Variants in TSHZ1 observed in about 807,000 individuals in gnomAD.
TSHZ1 encodes the protein teashirt zinc finger homeobox 1.
In TSHZ1, 12 loss-of-function variants were observed where a neutral mutation model predicts 67.1. The observed-to-expected ratio is 0.18, with a 90% CI of 0.11 to 0.29. The LOEUF (loss-of-function observed/expected upper bound fraction) is 0.29. TSHZ1 is among the 10% of genes least tolerant of loss of function. The pLI is 1.00. For synonymous variants in TSHZ1, 632 were observed against 622.4 expected, an observed-to-expected ratio of 1.02 and a Z score of -0.23; for missense variants, 1,305 against 1,413.9, an observed-to-expected ratio of 0.92 and a Z score of 1.23.
chr18:75,266,018 A>T (rs766487), intron 1 of TSHZ1, among the ~76,000 whole-genome samples: 1 of 152,200 alleles, frequency 6.6e-6, no homozygotes, highest in African/African-American at 2.4e-5. Flanking sequence ...TCAACATTGT[A>T]TTACTGCACA....
chr18:75,287,615 C>T lies in TSHZ1; in HGVS notation c.2208C>T (p.His736=), dbSNP rs753718485. The T allele has an allele frequency of 3.1e-6, 5 of 1,614,084 alleles. No homozygotes were observed. The African/African-American group carries it at 4.0e-5, about 13-fold the overall frequency. ...GCNNLGIIMD[H]SPEPSFINPL... ...ACAACCTGGGGATCATCATGGACCA[C>T]TCACCGGAGCCTTCCTTCATCAACC... Residue 736 remains histidine (H), a synonymous_variant, in exon 2 of 2, where the codon CAC becomes CAT. Coordinates refer to ENST00000580243, the MANE Select transcript of TSHZ1 (RefSeq NM_001308210.2). This position sits in a 1 kb window ranked among gnomAD's most constrained non-coding sequence, Gnocchi z 5.0.
chr18:75,272,419 A>C (rs1386952897), intron 1 of TSHZ1, among the ~76,000 whole-genome samples: 1 of 152,176 alleles, frequency 6.6e-6, no homozygotes, highest in African/African-American at 2.4e-5. Context: ...GCTGGGCAAA[A>C]CCACAGGGCG....
At chr18:75,265,214 T>C (rs1214207951) in intron 1 of TSHZ1, among the ~76,000 whole-genome samples, 1 of 152,222 alleles carries the variant, frequency 6.6e-6, no homozygotes, top group Non-Finnish European at 1.5e-5. Flanking sequence ...AATTTGTCTT[T>C]GAGTGGAATG....
intron 1 of TSHZ1, among the ~76,000 whole-genome samples, chr18:75,275,926 C>A (rs1404599084): frequency 3.3e-5 from 5 of 152,168 alleles, no homozygotes; most frequent in Non-Finnish European, 7.3e-5. Flanking sequence ...ATTTTAACTT[C>A]TTTTAATTTT....
intron 1 of TSHZ1, among the ~76,000 whole-genome samples, chr18:75,278,211 A>AGGGT (rs542460743): frequency 7.9e-6 from 1 of 126,012 alleles, no homozygotes; most frequent in East Asian, 2.6e-4. Flanking sequence ...GCACACATCC[A>AGGGT]GGGTGGATTA....
intron 1 of TSHZ1, among the ~76,000 whole-genome samples, chr18:75,246,910 G>A (rs2023231740): frequency 6.6e-6 from 1 of 152,124 alleles, no homozygotes; most frequent in Non-Finnish European, 1.5e-5. Context: ...TTTTTGCTGT[G>A]GGCCAAAGAA....
chr18:75,269,342 A>G (rs2023529667), intron 1 of TSHZ1, among the ~76,000 whole-genome samples: 1 of 152,214 alleles, frequency 6.6e-6, no homozygotes. Context: ...CCAGGATCCA[A>G]GGTCCACTAC....
At position 75,285,870 on chromosome 18, in the gene TSHZ1, G is replaced by GGGGCCCCC; in HGVS notation, c.463_464insGGGCCCCC (p.Ala155GlyfsTer110). The GGGGCCCCC allele has an allele frequency of 6.3e-7, 1 of 1,581,560 alleles. No individual in the cohort carries two copies. The highest frequency in any genetic ancestry group is 8.6e-7 in the Non-Finnish European group (1 of 1,163,050). On this transcript the variant is annotated frameshift_variant, in exon 2 of 2. Transcript: ENST00000580243. LOFTEE classifies it high-confidence loss of function. ...CGATGCCAGCCAGAAGGAGAGCTCC[G>GGGGCCCCC]CCCCCACCCCCACACCCCCCACCTG... is the stretch of plus-strand genomic sequence containing the variant.
At chr18:75,238,843 G>C (rs1238782445) in intron 1 of TSHZ1, among the ~76,000 whole-genome samples, 2 of 152,240 alleles carry the variant, frequency 1.3e-5, no homozygotes, top group Non-Finnish European at 2.9e-5. Context: ...TTTGTTGCCT[G>C]ACACATCTGT....
chr18:75,213,479 T>A (rs2022725702), intron 1 of TSHZ1, among the ~76,000 whole-genome samples: 2 of 152,178 alleles, frequency 1.3e-5, no homozygotes, highest in South Asian at 4.1e-4. Context: ...GATTTTTTTT[T>A]AAATGACAGA....
rs769868532 is a variant in TSHZ1, at chr18:75,285,870, G to A, written c.463G>A (p.Ala155Thr). 1.3e-5 allele frequency: 21 copies of A among 1,581,760 alleles called. No individual in the cohort carries two copies. Among genetic ancestry groups the A allele is most frequent in the African/African-American group, 4.1e-5 (3 of 72,966 alleles). ...TNDASQKESSAPTPTPPTCPV... is the reference protein window; with the variant it reads ...TNDASQKESSTPTPTPPTCPV... ...CGATGCCAGCCAGAAGGAGAGCTCC[G>A]CCCCCACCCCCACACCCCCCACCTG... The change falls in exon 2 of 2, where the codon GCC becomes ACC. Residue 155 changes from alanine (A) to threonine (T), a missense_variant. Coordinates refer to ENST00000580243, the MANE Select transcript of TSHZ1 (RefSeq NM_001308210.2).
intron 1 of TSHZ1, among the ~76,000 whole-genome samples, chr18:75,268,896 C>T (rs1301737930): frequency 6.6e-6 from 1 of 152,120 alleles, no homozygotes; most frequent in African/African-American, 2.4e-5. Context: ...GCTGTTTTTC[C>T]CTTTTCCACC....
At position 75,287,090 on chromosome 18, in the gene TSHZ1, G is replaced by A. The variant is rs747521393; in HGVS notation, c.1683G>A (p.Thr561=). Residue 561 remains threonine (T), a synonymous_variant, in exon 2 of 2, where the codon ACG becomes ACA. Coordinates refer to ENST00000580243, the MANE Select transcript of TSHZ1 (RefSeq NM_001308210.2). The surrounding 1 kb of genome is among the most constrained non-coding windows in gnomAD (Gnocchi z 5.0). ...ILKSLENTVS[T]AISKAQNGAP... ...AGTCCCTGGAGAATACCGTCTCCACGGCCATTAGCAAAGCTCAGAATGGTG... is the reference window on the plus strand; with the variant it reads ...AGTCCCTGGAGAATACCGTCTCCACAGCCATTAGCAAAGCTCAGAATGGTG... 11 of 1,614,088 alleles carry A rather than the reference G, an allele frequency of 6.8e-6. No homozygotes were observed. The Admixed American group carries it at 8.3e-5, about 12-fold the overall frequency.
At chr18:75,249,497 G>A (rs376107482) in intron 1 of TSHZ1, among the ~76,000 whole-genome samples, 2 of 151,412 alleles carry the variant, frequency 1.3e-5, no homozygotes, top group Non-Finnish European at 2.9e-5. Context: ...GGAAGGGTAG[G>A]TAACTTCCTT....
Position 75,288,230 on chromosome 18 carries a change from C to G in TSHZ1, c.2823C>G (p.Ser941Arg). 2.5e-6 allele frequency: 4 copies of G among 1,614,192 alleles called. No homozygotes were observed. Among genetic ancestry groups the G allele is most frequent in the Non-Finnish European group, 3.4e-6 (4 of 1,180,024 alleles). The part of the protein sequence containing the change: ...KFTGLSMTTI[S>R]HWLANVKYQL... The stretch of plus-strand genomic sequence containing the variant: ...CTGGGCTCTCCATGACCACCATCAG[C>G]CACTGGCTGGCCAATGTGAAGTACC... Residue 941 changes from serine to arginine, a missense_variant, in exon 2 of 2, where the codon AGC (serine) becomes AGG (arginine). Physicochemically the swap from Ser to Arg is moderately radical, Grantham distance 110. This residue lies in a region of TSHZ1 where 909 missense variants were observed against 961.8 expected (regional missense o/e 0.95). Coordinates refer to ENST00000580243, the MANE Select transcript of TSHZ1 (RefSeq NM_001308210.2). This position sits in a 1 kb window ranked among gnomAD's most constrained non-coding sequence, Gnocchi z 4.9.
chr18:75,252,731 A>G (rs1447033203), intron 1 of TSHZ1, among the ~76,000 whole-genome samples: 1 of 152,172 alleles, frequency 6.6e-6, no homozygotes, highest in East Asian at 1.9e-4. Context: ...GAATATAGAT[A>G]TATGTATATA....
Position 75,286,234 on chromosome 18 carries a change from G to T in TSHZ1, c.827G>T (p.Arg276Met), listed in dbSNP as rs2023760180. The change falls in exon 2 of 2, where the codon AGG becomes ATG. Residue 276 changes from arginine (R) to methionine (M), a missense_variant. Coordinates refer to ENST00000580243, the MANE Select transcript of TSHZ1 (RefSeq NM_001308210.2). The surrounding 1 kb of genome is among the most constrained non-coding windows in gnomAD (Gnocchi z 5.1). ...ACAGGCCACTACCGTGACGACAACA[G>T]GGACAAGGACTCCGAGAAGACCAAG... ...NETGHYRDDNRDKDSEKTKRW... is the reference protein window; with the variant it reads ...NETGHYRDDNMDKDSEKTKRW... 6.2e-7 allele frequency: 1 copy of T among 1,613,948 alleles called. No homozygotes were observed. Among genetic ancestry groups the T allele is most frequent in the Admixed American group, 1.7e-5 (1 of 60,012 alleles).
intron 1 of TSHZ1, among the ~76,000 whole-genome samples, chr18:75,239,273 T>C (rs2023123459): frequency 1.3e-5 from 2 of 152,258 alleles, no homozygotes; most frequent in Admixed American, 1.3e-4. Flanking sequence ...ATGTGAGTAA[T>C]TGATGCTTCT....
chr18:75,258,041 C>T (rs562558302), intron 1 of TSHZ1, among the ~76,000 whole-genome samples: 2 of 152,254 alleles, frequency 1.3e-5, no homozygotes, highest in South Asian at 4.2e-4. Context: ...CTCCTGGAGG[C>T]GGCCTCGACC....
Sources: gnomAD v4.1 joint callset for allele counts (sites outside exome capture counted in the v4.1 genomes callset) on GRCh38, gnomAD v4.1.1 for gene constraint, gnomAD v4.1.1 regional missense constraint, Gnocchi (gnomAD v3.1) non-coding constraint, MANE v1.5 for transcripts, NCBI Gene and HGNC (gene_info 2026-07-23, HGNC 2026-07-21) for gene names.